The following SCARB1 variants were observed in gnomAD, a reference collection of about 807,000 sequenced individuals.
The protein encoded by SCARB1 is scavenger receptor class B member 1, also known as CD36 and LIMPII analogous 1.
SCARB1 carries 30 observed loss-of-function variants against 57.2 expected under a neutral mutation model. The ratio of observed to expected loss-of-function variants is 0.52; its 90% confidence interval spans 0.39 to 0.71. The LOEUF (loss-of-function observed/expected upper bound fraction) is 0.71, where lower values mean the gene tolerates loss of function less well. Ranked by LOEUF, SCARB1 falls within the 30% of genes least tolerant of loss-of-function variation. The probability of loss-of-function intolerance (pLI) is 0.00; values close to 1 mark genes in which losing one functional copy is unlikely to be tolerated. For missense variants in SCARB1, 543 were observed against 671.2 expected (o/e 0.81, Z 2.11); for synonymous variants, 249 against 268.3 (o/e 0.93, Z 0.70).
In SCARB1 at chr12:124,822,977, A is replaced by T. The variant is rs561586200; in HGVS notation, c.127-5270T>A. On this transcript the variant is annotated intron_variant, in intron 1 of 12. Coordinates refer to ENST00000261693, the MANE Select transcript of SCARB1 (RefSeq NM_005505.5). This position sits in a 1 kb window ranked among gnomAD's most constrained non-coding sequence, Gnocchi z 5.0. Reference sequence around the variant, plus strand: ...GAATATTTTAAGTAAAAAAAAATTTAAAAATGAATACTATTACTACCTTTA... The same window carrying T: ...GAATATTTTAAGTAAAAAAAAATTTTAAAATGAATACTATTACTACCTTTA... Among the ~76,000 whole-genome samples, 5 of 152,382 alleles carry T rather than the reference A, an allele frequency of 3.3e-5. No individual in the cohort carries two copies. Among genetic ancestry groups the T allele is most frequent in the African/African-American group, 7.2e-5 (3 of 41,586 alleles).
At position 124,786,455 on chromosome 12, in the gene SCARB1, C is replaced by A. The variant is rs1317607552; in HGVS notation, c.1303G>T (p.Val435Leu). Residue 435 changes from valine (V) to leucine (L), a missense_variant, in exon 11 of 13, where the codon GTG becomes TTG. By Grantham distance (32) the Val-to-Leu change is conservative. Transcript: ENST00000261693. ...ETLHTFYTQL[V>L]LMPKVMHYAQ... ...TAGTGCATCACCTTGGGCATCAACA[C>A]CAGCTGAGTGTAGAATGTGTGAAGA... 6.2e-7 allele frequency: 1 copy of A among 1,614,206 alleles called. No homozygotes were observed.
chr12:124,842,690 G>A (rs1951951882), intron 1 of SCARB1, among the ~76,000 whole-genome samples: 1 of 152,226 alleles, frequency 6.6e-6, no homozygotes, highest in African/African-American at 2.4e-5. Flanking sequence ...AGGTCTTACT[G>A]GAAAGGACCC....
chr12:124,786,698 CCTT>C (rs1366762927), intron 10 of SCARB1, among the ~76,000 whole-genome samples, 195 bp from the exon 11 acceptor site: 1 of 152,260 alleles, frequency 6.6e-6, no homozygotes, highest in Non-Finnish European at 1.5e-5. Context: ...TCCCCGACTC[CCTT>C]GCAGTTGGGC....
At chr12:124,805,226 G>C (rs754437352) in intron 7 of SCARB1, among the ~76,000 whole-genome samples, 1 of 152,012 alleles carries the variant, frequency 6.6e-6, no homozygotes, top group East Asian at 1.9e-4. Flanking sequence ...GAGGCCTCCC[G>C]GAGGAGGTGG....
In SCARB1 at chr12:124,863,581, T is replaced by G. The variant is rs2135879522; in HGVS notation, c.126+14A>C. The G allele has an allele frequency of 6.2e-7, 1 of 1,600,298 alleles. No individual in the cohort carries two copies. The highest frequency in any genetic ancestry group is 8.5e-7 in the Non-Finnish European group (1 of 1,173,820). On this transcript the variant is annotated intron_variant, in intron 1 of 12. Coordinates refer to ENST00000261693, the MANE Select transcript of SCARB1 (RefSeq NM_005505.5). ...GGGTCCGTGCGCGGACCCCCTGGGGTCTCCCTCACCCACCTTAAGGACCTG... is the reference window on the plus strand; with the variant it reads ...GGGTCCGTGCGCGGACCCCCTGGGGGCTCCCTCACCCACCTTAAGGACCTG...
intron 1 of SCARB1, among the ~76,000 whole-genome samples, chr12:124,832,577 G>A (rs1239880572): frequency 6.6e-6 from 1 of 151,526 alleles, no homozygotes; most frequent in Non-Finnish European, 1.5e-5. Flanking sequence ...AGGCTCTGTC[G>A]CGGCAATACA....
rs1949364020 is a variant in SCARB1, at chr12:124,782,733, G to C, written c.1480C>G (p.Leu494Val). 6.2e-7 allele frequency: 1 copy of C among 1,613,964 alleles called. No homozygotes were observed. The highest frequency in any genetic ancestry group is 1.7e-5 in the Admixed American group (1 of 59,998). Reference protein sequence around the residue: ...KEAIQAYSESLMTSAPKGSVL... With the variant: ...KEAIQAYSESVMTSAPKGSVL... ...GAGCCCTTGGGAGCTGATGTCATCA[G>C]GGATTCAGAATAGGCCTGAATGGCC... The change falls in exon 12 of 13, where the codon CTG becomes GTG. Residue 494 changes from leucine (L) to valine (V), a missense_variant. Coordinates refer to ENST00000261693, the MANE Select transcript of SCARB1 (RefSeq NM_005505.5).
At chr12:124,837,733 AC>A (rs1490362703) in intron 1 of SCARB1, among the ~76,000 whole-genome samples, 1 of 98,340 alleles carries the variant, frequency 1.0e-5, no homozygotes, top group Non-Finnish European at 2.3e-5. Context: ...ACACCCACCC[AC>A]CAACCTATAA....
At chr12:124,851,607 CATT>C (rs1566256922) in intron 1 of SCARB1, among the ~76,000 whole-genome samples, 1 of 143,388 alleles carries the variant, frequency 7.0e-6, no homozygotes, top group African/African-American at 2.8e-5. Flanking sequence ...TAAAGGATTC[CATT>C]TTTTTTTTTT....
chr12:124,814,277 G>T lies in SCARB1; in HGVS notation c.555C>A (p.Asp185Glu). The T allele has an allele frequency of 1.9e-6, 3 of 1,614,176 alleles. No homozygotes were observed. The highest frequency in any genetic ancestry group is 1.1e-5 in the South Asian group (1 of 91,086). The change falls in exon 4 of 13, where the codon GAC becomes GAA. Residue 185 changes from aspartate to glutamate, a missense_variant. Transcript: ENST00000261693. The surrounding 1 kb of genome is among the most constrained non-coding windows in gnomAD (Gnocchi z 4.7). Reference protein sequence around the residue: ...TVGEIMWGYKDPLVNLINKYF... With the variant: ...TVGEIMWGYKEPLVNLINKYF... ...ACTTGTTGATGAGATTCACAAGGGG[G>T]TCCTTGTAGCCCCACATGATCTCAC...
intron 5 of SCARB1, among the ~76,000 whole-genome samples, chr12:124,811,234 G>A (rs1488504024): frequency 1.3e-5 from 2 of 152,112 alleles, no homozygotes; most frequent in Non-Finnish European, 2.9e-5. Flanking sequence ...GATACTAAGG[G>A]CACTTATCTC....
Position 124,815,505 on chromosome 12 carries a change from G to C in SCARB1, c.285-391C>G, listed in dbSNP as rs112969740. 3.6e-3 allele frequency among the ~76,000 whole-genome samples: 544 copies of C among 152,304 alleles called. 5 individuals are homozygous for C. Among genetic ancestry groups the C allele is most frequent in the African/African-American group, 0.012 (514 of 41,550 alleles). ...GTAAACATCAGCTGCTGTGACTGTTGCTGCTGCTGTCCTTATGATCTCTCA... is the reference window on the plus strand; with the variant it reads ...GTAAACATCAGCTGCTGTGACTGTTCCTGCTGCTGTCCTTATGATCTCTCA... On this transcript the variant is annotated intron_variant, in intron 2 of 12. Transcript: ENST00000261693.
Position 124,811,941 on chromosome 12 carries a change from A to G in SCARB1, c.655T>C (p.Phe219Leu). Residue 219 changes from phenylalanine to leucine, a missense_variant, in exon 5 of 13, where the codon TTC becomes CTC. Physicochemically the swap from Phe to Leu is conservative, Grantham distance 22 (BLOSUM62 0). Coordinates refer to ENST00000261693, the MANE Select transcript of SCARB1 (RefSeq NM_005505.5). ...AELNNSDSGL[F>L]TVFTGVQNIS... ...TTCTGGACCCCCGTGAACACCGTGA[A>G]GAGCCCAGAGTCGGAGTTGTTGAGC... The G allele has an allele frequency of 6.2e-7, 1 of 1,613,298 alleles. No homozygotes were observed. The highest frequency in any genetic ancestry group is 8.5e-7 in the Non-Finnish European group (1 of 1,179,678).
At chr12:124,795,705 C>T (rs1949921437) in intron 8 of SCARB1, among the ~76,000 whole-genome samples, 1 of 152,188 alleles carries the variant, frequency 6.6e-6, no homozygotes, top group Non-Finnish European at 1.5e-5. Flanking sequence ...CAATTCACTC[C>T]CAACTCCTCC....
intron 2 of SCARB1, among the ~76,000 whole-genome samples, chr12:124,815,355 C>G (rs1292830728): frequency 6.6e-6 from 1 of 152,218 alleles, no homozygotes; most frequent in Non-Finnish European, 1.5e-5. Context: ...CCAACACGGC[C>G]ATCGTCTCTC....
intron 1 of SCARB1, among the ~76,000 whole-genome samples, chr12:124,841,215 C>CA (rs1191972998): frequency 6.6e-6 from 1 of 151,684 alleles, no homozygotes; most frequent in Non-Finnish European, 1.5e-5. Flanking sequence ...ACTAAAAATA[C>CA]AAAAAAATTA....
In SCARB1 at chr12:124,853,979, G is replaced by C. The variant is rs567540864; in HGVS notation, c.126+9616C>G. Among the ~76,000 whole-genome samples the C allele has an allele frequency of 8.3e-4, 126 of 152,282 alleles. 1 individual carries two copies. Among genetic ancestry groups the C allele is most frequent in the African/African-American group, 2.7e-3 (112 of 41,550 alleles). ...TTGAGAACCTGCGATTATGTGCTAG[G>C]CATCGTTCCAGGGGCTTGGGTCACG... is the stretch of plus-strand genomic sequence containing the variant. On this transcript the variant is annotated intron_variant, in intron 1 of 12. Coordinates refer to ENST00000261693, the MANE Select transcript of SCARB1 (RefSeq NM_005505.5).
chr12:124,845,537 CA>C lies in SCARB1; in HGVS notation c.126+18057del, dbSNP rs34178546. On this transcript the variant is annotated intron_variant, in intron 1 of 12. Transcript: ENST00000261693. ...TGAAACCCCGTCTATATTAAAAATA[CA>C]AAAAAAAAAAAAAAAAATTAGCCGG... 4.7e-3 allele frequency among the ~76,000 whole-genome samples: 497 copies of C among 106,402 alleles called. 1 individual carries two copies. The highest frequency in any genetic ancestry group is 9.4e-3 in the African/African-American group (258 of 27,548). The allele number at this position is 106,402 out of a possible 152,430, so 69.8% of individuals were successfully genotyped here.
At chr12:124,856,157 C>A (rs1952613813) in intron 1 of SCARB1, among the ~76,000 whole-genome samples, 1 of 152,248 alleles carries the variant, frequency 6.6e-6, no homozygotes, top group Admixed American at 6.5e-5. Context: ...CAGCGGGACA[C>A]ATCAACATGT....
Sources: gnomAD v4.1 joint callset for allele counts (sites outside exome capture counted in the v4.1 genomes callset) on GRCh38, gnomAD v4.1.1 for gene constraint, Gnocchi (gnomAD v3.1) non-coding constraint, MANE v1.5 for transcripts, NCBI Gene and HGNC (gene_info 2026-07-23, HGNC 2026-07-21) for gene names.